The following HTR1E variants were observed in gnomAD, a reference collection of about 807,000 sequenced individuals.
HTR1E encodes 5-HT-1E.
Under a neutral mutation model 3.4 loss-of-function variants are expected in HTR1E, and 3 were observed. That is an observed-to-expected ratio of 0.89 (90% CI 0.41 to 2.31). The LOEUF is 2.31. HTR1E is among the 30% of genes most tolerant of loss of function. HTR1E has a pLI of 0.05. For missense variants in HTR1E, 392 were observed against 467.0 expected (o/e 0.84, Z 1.48); for synonymous variants, 170 against 182.8 (o/e 0.93, Z 0.56).
intron 1 of HTR1E, among the ~76,000 whole-genome samples, chr6:86,945,777 C>T (rs1768607715): frequency 6.6e-6 from 1 of 151,866 alleles, no homozygotes; most frequent in East Asian, 1.9e-4. Context: ...TCTTGCCTCC[C>T]AGACTGGAGT....
chr6:86,949,230 C>A (rs1767182851), intron 1 of HTR1E, among the ~76,000 whole-genome samples: 1 of 152,164 alleles, frequency 6.6e-6, no homozygotes, highest in South Asian at 2.1e-4. Flanking sequence ...GCTTCCCTAC[C>A]TATAAAATGA....
chr6:86,971,804 T>C (rs1017330105), intron 1 of HTR1E, among the ~76,000 whole-genome samples: 3 of 152,164 alleles, frequency 2.0e-5, no homozygotes, highest in African/African-American at 7.2e-5. Flanking sequence ...ATCGCCCAAG[T>C]AGCGAACACA....
At chr6:86,987,835 A>G (rs1396484976) in intron 1 of HTR1E, among the ~76,000 whole-genome samples, 1 of 152,146 alleles carries the variant, frequency 6.6e-6, no homozygotes, top group Non-Finnish European at 1.5e-5. Context: ...CAAGCTCACC[A>G]AATGTGTGAA....
chr6:86,958,707 CA>C (rs1767359706), intron 1 of HTR1E, among the ~76,000 whole-genome samples: 1 of 152,092 alleles, frequency 6.6e-6, no homozygotes, highest in Non-Finnish European at 1.5e-5. Flanking sequence ...GGGCTGCAAG[CA>C]AAAATGGCAG....
At chr6:86,950,162 G>A (rs1036204844) in intron 1 of HTR1E, among the ~76,000 whole-genome samples, 2 of 152,086 alleles carry the variant, frequency 1.3e-5, no homozygotes, top group Non-Finnish European at 2.9e-5. Flanking sequence ...TAAGAGTCAG[G>A]TTATTTCCCT....
intron 1 of HTR1E, among the ~76,000 whole-genome samples, chr6:87,009,789 C>T (rs1562074111): frequency 8.5e-6 from 1 of 118,038 alleles, no homozygotes; most frequent in Non-Finnish European, 1.7e-5. Flanking sequence ...GGGCTGACCT[C>T]CCCCACCTCC....
chr6:86,992,802 T>A (rs1204943363), intron 1 of HTR1E, among the ~76,000 whole-genome samples: 1 of 152,196 alleles, frequency 6.6e-6, no homozygotes, highest in African/African-American at 2.4e-5. Context: ...CTTCCAAAGA[T>A]TAAGTAACTT....
chr6:86,953,448 T>C (rs1170027276), intron 1 of HTR1E, among the ~76,000 whole-genome samples: 1 of 152,184 alleles, frequency 6.6e-6, no homozygotes, highest in African/African-American at 2.4e-5. Flanking sequence ...GATGATCTAC[T>C]GTGTTCTCAC....
chr6:86,945,043 T>C (rs1034602708), intron 1 of HTR1E, among the ~76,000 whole-genome samples: 2 of 151,724 alleles, frequency 1.3e-5, no homozygotes, highest in Middle Eastern at 3.4e-3. Context: ...TGAAAAGAAG[T>C]TTAACTGTAA....
chr6:87,008,748 C>T (rs1301887039), intron 1 of HTR1E, among the ~76,000 whole-genome samples: 1 of 152,098 alleles, frequency 6.6e-6, no homozygotes, highest in Non-Finnish European at 1.5e-5. Context: ...TTATTATTTA[C>T]ATTTAAAAGC....
chr6:87,005,804 C>T (rs75284174), intron 1 of HTR1E, among the ~76,000 whole-genome samples: 17,207 of 152,160 alleles, frequency 0.11, 1,477 homozygotes, highest in East Asian at 0.28. Flanking sequence ...AGATAACCCA[C>T]AGAATGGGTG....
intron 1 of HTR1E, among the ~76,000 whole-genome samples, chr6:86,959,463 T>A (rs1767375571): frequency 6.6e-6 from 1 of 151,766 alleles, no homozygotes; most frequent in African/African-American, 2.4e-5. Context: ...CTGTATGTAA[T>A]CCCCAGCTAT....
intron 1 of HTR1E, among the ~76,000 whole-genome samples, chr6:87,009,678 G>A (rs1269122710): frequency 6.8e-6 from 1 of 147,406 alleles, no homozygotes; most frequent in Non-Finnish European, 1.5e-5. Flanking sequence ...GGGGCGGCTG[G>A]CCGGGCGGGG....
intron 1 of HTR1E, 108 bp from the exon 2 acceptor site, chr6:87,015,042 A>G (rs894703082): frequency 1.7e-4 from 34 of 201,684 alleles, no homozygotes; most frequent in African/African-American, 7.8e-4. Context: ...TCCACAGGAA[A>G]GAGAAAATTA....
intron 1 of HTR1E, among the ~76,000 whole-genome samples, chr6:87,008,281 C>T (rs767881237): frequency 3.3e-5 from 5 of 152,080 alleles, no homozygotes; most frequent in Non-Finnish European, 5.9e-5. Flanking sequence ...GAGTATCCAC[C>T]CTTCCTTTTC....
At chr6:87,004,754 AAAAG>A (rs796909681) in intron 1 of HTR1E, among the ~76,000 whole-genome samples, 2 of 152,182 alleles carry the variant, frequency 1.3e-5, no homozygotes, top group African/African-American at 2.4e-5. Context: ...GCAATCAGAC[AAAAG>A]AAAGAAAGAA....
At chr6:86,941,862 GAAGA>G (rs1388230195) in intron 1 of HTR1E, among the ~76,000 whole-genome samples, 5 of 151,742 alleles carry the variant, frequency 3.3e-5, no homozygotes, top group South Asian at 2.1e-4. Flanking sequence ...AGGAAGGAAA[GAAGA>G]AAGGAAGGAA....
intron 1 of HTR1E, among the ~76,000 whole-genome samples, chr6:86,955,764 G>A (rs147319691): frequency 6.6e-6 from 1 of 152,090 alleles, no homozygotes; most frequent in African/African-American, 2.4e-5. Flanking sequence ...GTGTTCCAAA[G>A]GAAACGTATT....
chr6:87,009,976 C>T (rs1197917830), intron 1 of HTR1E, among the ~76,000 whole-genome samples: 9 of 129,754 alleles, frequency 6.9e-5, no homozygotes, highest in Non-Finnish European at 1.5e-4. Flanking sequence ...AGGCGCCCCT[C>T]ACCTCCCAGA....
Sources: gnomAD v4.1 joint callset for allele counts (sites outside exome capture counted in the v4.1 genomes callset) on GRCh38, gnomAD v4.1.1 for gene constraint, MANE v1.5 for transcripts, NCBI Gene and HGNC (gene_info 2026-07-23, HGNC 2026-07-21) for gene names.